NRXN3: variants seen among roughly 807,000 people sequenced by gnomAD.
NRXN3 encodes neurexin III.
In NRXN3, 32 loss-of-function variants were observed where a neutral mutation model predicts 137.6. The observed-to-expected ratio is 0.23, with a 90% CI of 0.18 to 0.31. NRXN3 has a LOEUF of 0.31. NRXN3 is among the 10% of genes least tolerant of loss of function. NRXN3 has a pLI of 1.00. For missense variants in NRXN3, 1,574 were observed against 2,062.5 expected, an observed-to-expected ratio of 0.76 and a Z score of 4.59; for synonymous variants, 798 against 784.5, an observed-to-expected ratio of 1.02 and a Z score of -0.29.
intron 2 of NRXN3, among the ~76,000 whole-genome samples, chr14:78,268,369 C>T (rs1308229795): frequency 1.3e-5 from 2 of 152,018 alleles, no homozygotes; most frequent in South Asian, 2.1e-4. Flanking sequence ...GGATATGCTA[C>T]CCCAGCTTTT....
At chr14:79,515,480 G>A (rs918974814) in intron 16 of NRXN3, among the ~76,000 whole-genome samples, 1 of 150,374 alleles carries the variant, frequency 6.7e-6, no homozygotes, top group Non-Finnish European at 1.5e-5. Flanking sequence ...TCTGTTGACA[G>A]TATTCCAAGG....
At chr14:79,390,260 T>A (rs916777948) in intron 15 of NRXN3, among the ~76,000 whole-genome samples, 3 of 144,664 alleles carry the variant, frequency 2.1e-5, no homozygotes, top group African/African-American at 7.8e-5. Flanking sequence ...GAACTTGCAG[T>A]GAGTAGAGAT....
At chr14:79,413,591 C>T (rs2095450924) in intron 15 of NRXN3, among the ~76,000 whole-genome samples, 1 of 152,006 alleles carries the variant, frequency 6.6e-6, no homozygotes, top group Non-Finnish European at 1.5e-5. Flanking sequence ...GGTTGGCCTG[C>T]TATGGTACAG....
intron 16 of NRXN3, among the ~76,000 whole-genome samples, chr14:79,516,706 G>GTGTATAGTC (rs2096988404): frequency 6.6e-6 from 1 of 152,156 alleles, no homozygotes; most frequent in African/African-American, 2.4e-5. Flanking sequence ...GCAAAGGAAA[G>GTGTATAGTC]TGTATAGTCT....
intron 4 of NRXN3, among the ~76,000 whole-genome samples, chr14:78,634,330 C>A (rs2097548588): frequency 6.6e-6 from 1 of 152,158 alleles, no homozygotes; most frequent in Admixed American, 6.5e-5. Context: ...TCACTGTGAC[C>A]AACTCAACTT....
chr14:79,845,001 A>G (rs1325200363), intron 20 of NRXN3, among the ~76,000 whole-genome samples: 1 of 152,120 alleles, frequency 6.6e-6, no homozygotes, highest in African/African-American at 2.4e-5. Context: ...CAGCTTCTAC[A>G]TTAGAACTCG....
intron 4 of NRXN3, among the ~76,000 whole-genome samples, chr14:78,487,322 G>A (rs1007504552): frequency 6.6e-6 from 1 of 152,132 alleles, no homozygotes; most frequent in Non-Finnish European, 1.5e-5. Context: ...GCCAGGGCAG[G>A]CTTCCTGGGT....
chr14:78,715,946 G>T (rs1005216898), intron 8 of NRXN3, among the ~76,000 whole-genome samples: 2 of 152,194 alleles, frequency 1.3e-5, no homozygotes, highest in Non-Finnish European at 2.9e-5. Flanking sequence ...CAGGTTCACT[G>T]TATAGTGAGC....
intron 4 of NRXN3, among the ~76,000 whole-genome samples, chr14:78,354,241 A>G (rs1402820608): frequency 2.6e-5 from 4 of 152,250 alleles, no homozygotes; most frequent in Admixed American, 2.0e-4. Context: ...AGAAAATGGC[A>G]TAGTATCACA....
intron 17 of NRXN3, among the ~76,000 whole-genome samples, chr14:79,667,925 C>T (rs2098575880): frequency 6.6e-6 from 1 of 152,012 alleles, no homozygotes; most frequent in African/African-American, 2.4e-5. Flanking sequence ...GCCGGTGATA[C>T]TGTCACTGCT....
chr14:78,297,041 T>G (rs1174853506), intron 3 of NRXN3, among the ~76,000 whole-genome samples: 4 of 152,216 alleles, frequency 2.6e-5, no homozygotes, highest in African/African-American at 9.6e-5. Flanking sequence ...CTGTTTGCCT[T>G]CCATAATAAT....
At chr14:79,084,812 C>T (rs1238828735) in intron 15 of NRXN3, among the ~76,000 whole-genome samples, 1 of 152,030 alleles carries the variant, frequency 6.6e-6, no homozygotes, top group Non-Finnish European at 1.5e-5. Flanking sequence ...GTGAGTTGGT[C>T]CCTTCTGCTT....
intron 15 of NRXN3, among the ~76,000 whole-genome samples, chr14:79,268,949 AT>A (rs1490608290): frequency 1.3e-5 from 2 of 152,152 alleles, no homozygotes; most frequent in African/African-American, 4.8e-5. Context: ...AGATTGTTCT[AT>A]TACGTCACAT....
chr14:78,699,449 C>G (rs2098258446), intron 6 of NRXN3, among the ~76,000 whole-genome samples: 1 of 152,152 alleles, frequency 6.6e-6, no homozygotes, highest in East Asian at 1.9e-4. Flanking sequence ...GATAAAGAAC[C>G]ATCGAACAAT....
At chr14:79,632,933 G>A (rs221481) in intron 16 of NRXN3, among the ~76,000 whole-genome samples, 40,181 of 152,008 alleles carry the variant, frequency 0.26, 6,032 homozygotes, top group African/African-American at 0.4. Flanking sequence ...CCGTCATTAA[G>A]TTGGGTATTT....
intron 20 of NRXN3, among the ~76,000 whole-genome samples, chr14:79,851,476 G>A (rs1057079115): frequency 6.6e-6 from 1 of 152,016 alleles, no homozygotes; most frequent in Non-Finnish European, 1.5e-5. Flanking sequence ...GACCCATGGG[G>A]ACACATTGCT....
At chr14:78,591,289 T>C (rs2097113949) in intron 4 of NRXN3, among the ~76,000 whole-genome samples, 2 of 152,204 alleles carry the variant, frequency 1.3e-5, no homozygotes, top group South Asian at 2.1e-4. Context: ...TTAGTGTGTT[T>C]ACCATCACCT....
At chr14:79,034,611 A>G (rs1020439227) in intron 15 of NRXN3, among the ~76,000 whole-genome samples, 1 of 152,128 alleles carries the variant, frequency 6.6e-6, no homozygotes, top group Non-Finnish European at 1.5e-5. Context: ...AGGAAAAACA[A>G]GGTGTTATGA....
intron 8 of NRXN3, among the ~76,000 whole-genome samples, chr14:78,754,713 C>G (rs1239602467): frequency 6.6e-6 from 1 of 152,190 alleles, no homozygotes; most frequent in East Asian, 1.9e-4. Context: ...TTTCCCACTC[C>G]ACTCTAGACC....
Sources: gnomAD v4.1 joint callset for allele counts (sites outside exome capture counted in the v4.1 genomes callset) on GRCh38, gnomAD v4.1.1 for gene constraint, MANE v1.5 for transcripts, NCBI Gene and HGNC (gene_info 2026-07-23, HGNC 2026-07-21) for gene names.